LTA4H: variants seen among roughly 807,000 people sequenced by gnomAD.
The protein encoded by LTA4H is leukotriene A4 hydrolase.
Under a neutral mutation model 89.8 loss-of-function variants are expected in LTA4H, and 59 were observed. That is an observed-to-expected ratio of 0.66 (90% CI 0.53 to 0.82). The LOEUF is 0.82. LTA4H is among the 40% of genes least tolerant of loss of function. LTA4H has a pLI of 0.00. For synonymous variants in LTA4H, 227 were observed against 253.1 expected, an observed-to-expected ratio of 0.90 and a Z score of 0.98; for missense variants, 617 against 727.0, an observed-to-expected ratio of 0.85 and a Z score of 1.74.
intron 11 of LTA4H, chr12:96,015,235 A>G (rs1418147539): frequency 2.1e-6 from 1 of 482,436 alleles, no homozygotes; most frequent in African/African-American, 2.0e-5. Context: ...TATTCTTATA[A>G]AAAGACTAGA....
intron 14 of LTA4H, chr12:96,010,880 T>C (rs1316448408): frequency 6.6e-6 from 1 of 152,166 alleles, no homozygotes; most frequent in African/African-American, 2.4e-5. Flanking sequence ...GAGATGTGGA[T>C]AGACTCAGAT....
At chr12:96,027,017 A>G (rs1950520231) in intron 3 of LTA4H, among the ~76,000 whole-genome samples, 2 of 152,238 alleles carry the variant, frequency 1.3e-5, no homozygotes, top group Non-Finnish European at 2.9e-5. Flanking sequence ...TCCAAACTCA[A>G]TGGTGGTTAC....
Position 96,022,030 on chromosome 12 carries a change from C to G in LTA4H, c.585+117G>C. The stretch of plus-strand genomic sequence containing the variant: ...AAAAAAAAATGAAGAAAACAAAAAC[C>G]AAAAGCTGTTCTCAAAATTCTGAAA... On this transcript the variant is annotated intron_variant, in intron 5 of 18. Coordinates refer to ENST00000228740, the MANE Select transcript of LTA4H (RefSeq NM_000895.3). This position sits in a 1 kb window ranked among gnomAD's most constrained non-coding sequence, Gnocchi z 4.0. The G allele has an allele frequency of 1.5e-6, 1 of 655,202 alleles. No homozygotes were observed. Among genetic ancestry groups the G allele is most frequent in the Non-Finnish European group, 2.7e-6 (1 of 373,078 alleles). 40.6% of individuals were successfully genotyped at this position (655,202 alleles called of 1,614,324 possible). A position where few individuals can be genotyped will look rare whatever the true frequency, so the allele number is the denominator to read the frequency against.
At chr12:96,036,033 T>C (rs1043502320), upstream of LTA4H, among the ~76,000 whole-genome samples, 3 of 152,178 alleles carry the variant, frequency 2.0e-5, no homozygotes, top group African/African-American at 7.2e-5. Context: ...CTCGTTAGTA[T>C]AGTGGTGAGT....
At chr12:96,017,629 C>CT in intron 8 of LTA4H, 49 bp from the exon 9 acceptor site, 1 of 1,415,084 alleles carries the variant, frequency 7.1e-7, no homozygotes, top group South Asian at 1.2e-5. Context: ...GAATTACAGA[C>CT]TATCTAAAAG....
chr12:96,015,675 C>T lies in LTA4H; in HGVS notation c.967G>A (p.Val323Met), dbSNP rs775126584. The change falls in exon 11 of 19, where the codon GTG becomes ATG. Residue 323 changes from valine (V) to methionine (M), a missense_variant. This residue lies in a region of LTA4H where 172 missense variants were observed against 244.5 expected (regional missense o/e 0.70). Transcript: ENST00000228740. ...DHFWLNEGHTVYLERHICGRL... is the reference protein window; with the variant it reads ...DHFWLNEGHTMYLERHICGRL... ...CCGCAAATGTGGCGTTCCAAGTACACAGTATGTCCCTCATTTAACCTGAAA... is the reference window on the plus strand; with the variant it reads ...CCGCAAATGTGGCGTTCCAAGTACATAGTATGTCCCTCATTTAACCTGAAA... 3.7e-6 allele frequency: 6 copies of T among 1,608,570 alleles called. No homozygotes were observed. The highest frequency in any genetic ancestry group is 5.1e-6 in the Non-Finnish European group (6 of 1,175,546).
chr12:96,033,907 C>A (rs1040918538), intron 1 of LTA4H, among the ~76,000 whole-genome samples: 1 of 152,224 alleles, frequency 6.6e-6, no homozygotes, highest in Non-Finnish European at 1.5e-5. Context: ...GACCAAAGTG[C>A]GATCTGCAAG....
intron 18 of LTA4H, among the ~76,000 whole-genome samples, chr12:96,002,143 C>T (rs993991178): frequency 6.6e-6 from 1 of 152,224 alleles, no homozygotes; most frequent in African/African-American, 2.4e-5. Context: ...AGGCGTGAGC[C>T]ACCGCGCCCG....
intron 16 of LTA4H, among the ~76,000 whole-genome samples, chr12:96,005,695 A>G (rs917496889): frequency 9.2e-5 from 14 of 152,082 alleles, no homozygotes; most frequent in Non-Finnish European, 1.8e-4. Flanking sequence ...TCTTTCACTA[A>G]TTAAGTTTTT....
chr12:96,015,663 G>T lies in LTA4H; in HGVS notation c.979C>A (p.Arg327Ser). 1.2e-6 allele frequency: 2 copies of T among 1,613,362 alleles called. No individual in the cohort carries two copies. Among genetic ancestry groups the T allele is most frequent in the East Asian group, 2.2e-5 (1 of 44,878 alleles). The change falls in exon 11 of 19, where the codon CGC (arginine) becomes AGC (serine). Residue 327 changes from arginine (R) to serine (S), a missense_variant. By Grantham distance (110) the Arg-to-Ser change is moderately radical. Transcript: ENST00000228740. ...CCAAACAATCGTCCGCAAATGTGGC[G>T]TTCCAAGTACACAGTATGTCCCTCA... The part of the protein sequence containing the change: ...LNEGHTVYLE[R>S]HICGRLFGEK...
chr12:96,011,883 G>A (rs545563124), intron 14 of LTA4H: 15 of 152,214 alleles, frequency 9.9e-5, no homozygotes, highest in African/African-American at 1.9e-4. Context: ...AAAAATTAAC[G>A]AGATAATGTA....
chr12:96,035,288 G>T, intron 1 of LTA4H, 73 bp downstream of exon 1: 1 of 1,462,228 alleles, frequency 6.8e-7, no homozygotes, highest in Non-Finnish European at 9.2e-7. Context: ...GGAGATCCGG[G>T]AGCCCGCAAG....
At chr12:96,002,488 C>T (rs373520755) in intron 18 of LTA4H, among the ~76,000 whole-genome samples, 7 of 152,160 alleles carry the variant, frequency 4.6e-5, no homozygotes, top group African/African-American at 7.2e-5. Flanking sequence ...ATTCTTGTAT[C>T]TTGCTGTCAA....
chr12:96,002,949 T>C lies in LTA4H; in HGVS notation c.1718+11A>G. 2 of 1,564,924 alleles carry C rather than the reference T, an allele frequency of 1.3e-6. No homozygotes were observed. Among genetic ancestry groups the C allele is most frequent in the South Asian group, 2.3e-5 (2 of 86,784 alleles). ...AGATGAATTCAAAGTACGGTCTGAG[T>C]GGGTTCTTACTTGAATAAGGGCCGG... On this transcript the variant is annotated intron_variant, in intron 18 of 18. Transcript: ENST00000228740.
intron 16 of LTA4H, among the ~76,000 whole-genome samples, chr12:96,005,609 T>C (rs192384668): frequency 7.2e-5 from 11 of 152,278 alleles, no homozygotes; most frequent in African/African-American, 1.9e-4. Flanking sequence ...CTTCAATTTC[T>C]ACCTCCCTGC....
intron 3 of LTA4H, 95 bp downstream of exon 3, chr12:96,027,349 C>A: frequency 9.4e-7 from 1 of 1,068,834 alleles, no homozygotes; most frequent in South Asian, 1.9e-5. Flanking sequence ...TTAGGTAAAA[C>A]CTACATAATC....
At chr12:96,026,723 G>A (rs1950517413) in intron 3 of LTA4H, among the ~76,000 whole-genome samples, 1 of 152,172 alleles carries the variant, frequency 6.6e-6, no homozygotes, top group Admixed American at 6.5e-5. Context: ...AACATGTAAA[G>A]AATCTAGCAC....
At chr12:96,009,022 C>T (rs1207151288) in intron 15 of LTA4H, 72 bp downstream of exon 15, 2 of 1,115,338 alleles carry the variant, frequency 1.8e-6, no homozygotes, top group Admixed American at 1.8e-5. Context: ...TTAAAGTACC[C>T]TCCCTGCTTC....
Position 96,003,055 on chromosome 12 carries a change from C to A in LTA4H, c.1623G>T (p.Arg541=). The A allele has an allele frequency of 6.3e-7, 1 of 1,594,822 alleles. No individual in the cohort carries two copies. Among genetic ancestry groups the A allele is most frequent in the South Asian group, 1.1e-5 (1 of 88,202 alleles). ...NNSEIRFRWL[R]LCIQSKWEDA... Reference sequence around the variant, plus strand: ...CCTCCCACTTGGATTGAATGCAGAGCCGCAGCCATCTAAAAGGAGGATTTG... The same window carrying A: ...CCTCCCACTTGGATTGAATGCAGAGACGCAGCCATCTAAAAGGAGGATTTG... The change falls in exon 18 of 19, where the codon CGG becomes CGT. Residue 541 remains arginine (R), a synonymous_variant. Transcript: ENST00000228740.
Sources: gnomAD v4.1 joint callset for allele counts (sites outside exome capture counted in the v4.1 genomes callset) on GRCh38, gnomAD v4.1.1 for gene constraint, gnomAD v4.1.1 regional missense constraint, Gnocchi (gnomAD v3.1) non-coding constraint, MANE v1.5 for transcripts, NCBI Gene and HGNC (gene_info 2026-07-23, HGNC 2026-07-21) for gene names.